Variants in PAK2 observed in about 807,000 individuals in gnomAD.
The protein encoded by PAK2 is p21 (RAC1) activated kinase 2, also known as serine/threonine-protein kinase PAK 2.
Under a neutral mutation model 65.9 loss-of-function variants are expected in PAK2, and 21 were observed. That is an observed-to-expected ratio of 0.32 (90% CI 0.23 to 0.46). The LOEUF is 0.46. Among genes scored for constraint, PAK2 ranks in the 20% least tolerant of loss-of-function variants. PAK2 has a pLI of 1.00. For missense variants in PAK2, 324 were observed against 642.6 expected, an observed-to-expected ratio of 0.50 and a Z score of 5.36; for synonymous variants, 204 against 219.7, an observed-to-expected ratio of 0.93 and a Z score of 0.63.
intron 2 of PAK2, among the ~76,000 whole-genome samples, chr3:196,788,031 T>C (rs181641589): frequency 6.6e-6 from 1 of 152,376 alleles, no homozygotes; most frequent in East Asian, 1.9e-4. Flanking sequence ...GCTTCTAGTT[T>C]CAGCCACCTG....
rs1712098542 is a variant in PAK2 at position 196,831,803 on chromosome 3, A to G, written c.*3398A>G. On this transcript the variant is annotated 3_prime_UTR_variant, in exon 15 of 15. Transcript: ENST00000327134. ...TATACTGAGATCCACATCTAGTGAA[A>G]TGTCAGTGTCAAAATATTATAGATT... 6.6e-6 allele frequency: 1 copy of G among 152,182 alleles called. No homozygotes were observed. The highest frequency in any genetic ancestry group is 2.4e-5 in the African/African-American group (1 of 41,456). 9.4% of individuals were successfully genotyped at this position (152,182 alleles called of 1,614,324 possible). A position where few individuals can be genotyped will look rare whatever the true frequency, so the allele number is the denominator to read the frequency against.
intron 4 of PAK2, among the ~76,000 whole-genome samples, chr3:196,805,020 T>C (rs1251979809): frequency 6.6e-6 from 1 of 152,138 alleles, no homozygotes; most frequent in East Asian, 1.9e-4. Flanking sequence ...AAATTTGTTT[T>C]GTTTTAATAA....
intron 1 of PAK2, among the ~76,000 whole-genome samples, chr3:196,751,674 C>CATATATATATATATATACATATATATAT (rs1553799658): frequency 1.4e-5 from 1 of 71,818 alleles, no homozygotes; most frequent in African/African-American, 7.5e-5. Context: ...TATTTATATA[C>CATATATATATATATATACATATATATAT]ATATATATAT....
At position 196,772,506 on chromosome 3, in the gene PAK2, G is replaced by T. The variant is rs182955593; in HGVS notation, c.-21-10120G>T. Among the ~76,000 whole-genome samples, 27 of 152,226 alleles carry T rather than the reference G, an allele frequency of 1.8e-4. No individual in the cohort carries two copies. The East Asian group carries it at 3.5e-3, about 20-fold the overall frequency. ...TCTTAGAGTTTGAAGCGAAGTTTTA[G>T]TTTCCTTCTTTTTTACCAGCCTCCA... is the stretch of plus-strand genomic sequence containing the variant. On this transcript the variant is annotated intron_variant, in intron 1 of 14. Transcript: ENST00000327134.
At chr3:196,768,983 C>T (rs1426767457) in intron 1 of PAK2, among the ~76,000 whole-genome samples, 3 of 151,692 alleles carry the variant, frequency 2.0e-5, no homozygotes. Context: ...TATTTTTTTA[C>T]AGGGTCTTGC....
Position 196,830,250 on chromosome 3 carries a change from CAT to C in PAK2, c.*1848_*1849del, listed in dbSNP as rs1183399471. 2 of 151,784 alleles carry C rather than the reference CAT, an allele frequency of 1.3e-5. No individual in the cohort carries two copies. The highest frequency in any genetic ancestry group is 2.4e-5 in the African/African-American group (1 of 41,310). 9.4% of individuals were successfully genotyped at this position (151,784 alleles called of 1,614,324 possible). ...AAAATGAGTAAAATAATTAATGAAA[CAT>C]ATTTAGAGCACTTAATGGTCTCTGT... On this transcript the variant is annotated 3_prime_UTR_variant, in exon 15 of 15. Coordinates refer to ENST00000327134, the MANE Select transcript of PAK2 (RefSeq NM_002577.4).
At chr3:196,819,507 T>C (rs1273408091) in intron 12 of PAK2, among the ~76,000 whole-genome samples, 2 of 152,166 alleles carry the variant, frequency 1.3e-5, no homozygotes, top group Non-Finnish European at 2.9e-5. Flanking sequence ...TCTCAAGAAA[T>C]GGTTTTACCA....
chr3:196,779,202 T>C (rs1714630604), intron 1 of PAK2, among the ~76,000 whole-genome samples: 2 of 152,240 alleles, frequency 1.3e-5, no homozygotes, highest in African/African-American at 4.8e-5. Context: ...TATTTACTTA[T>C]TCATTTATTT....
At chr3:196,808,135 T>C in intron 7 of PAK2, 1 of 380,242 alleles carries the variant, frequency 2.6e-6, no homozygotes, top group South Asian at 3.6e-5. Context: ...CTGGCCAACA[T>C]GGTGAAACCC....
intron 1 of PAK2, among the ~76,000 whole-genome samples, chr3:196,781,821 A>C (rs1237273111): frequency 1.3e-5 from 2 of 152,114 alleles, no homozygotes; most frequent in Non-Finnish European, 2.9e-5. Context: ...TACAAAGATT[A>C]GGCTGGATGC....
rs185295467 is a variant in PAK2, at chr3:196,825,471, G to A, written c.1351-1725G>A. On this transcript the variant is annotated intron_variant, in intron 13 of 14. Coordinates refer to ENST00000327134, the MANE Select transcript of PAK2 (RefSeq NM_002577.4). ...AGCCTGGCCAACACAGTGAAACCCC[G>A]TCTCTACTGAAAATACAAAAAATTA... 7.4e-4 allele frequency among the ~76,000 whole-genome samples: 112 copies of A among 150,702 alleles called. 2 individuals are homozygous for A. Among genetic ancestry groups the A allele is most frequent in the Admixed American group, 4.1e-3 (63 of 15,182 alleles).
chr3:196,771,764 G>A (rs1326618786), intron 1 of PAK2, among the ~76,000 whole-genome samples: 1 of 151,998 alleles, frequency 6.6e-6, no homozygotes, highest in Non-Finnish European at 1.5e-5. Flanking sequence ...CTCCATGTTG[G>A]TCAGGCTGGT....
intron 6 of PAK2, among the ~76,000 whole-genome samples, chr3:196,807,314 GA>G (rs1309729297): frequency 6.6e-6 from 1 of 152,178 alleles, no homozygotes; most frequent in Non-Finnish European, 1.5e-5. Context: ...GCTGATGGCA[GA>G]GGACTCCGTT....
intron 13 of PAK2, among the ~76,000 whole-genome samples, chr3:196,825,021 C>G (rs1176708415): frequency 6.6e-6 from 1 of 152,076 alleles, no homozygotes; most frequent in South Asian, 2.1e-4. Context: ...TTCTGTAAAC[C>G]TAAAACTTCT....
chr3:196,767,613 C>T lies in PAK2; in HGVS notation c.-21-15013C>T, dbSNP rs576767913. On this transcript the variant is annotated intron_variant, in intron 1 of 14. Coordinates refer to ENST00000327134, the MANE Select transcript of PAK2 (RefSeq NM_002577.4). ...ACGCCATTCTCCTACCTCAGCCTCC[C>T]GAGTAGCTGGGACTACAGGTGACCG... Among the ~76,000 whole-genome samples, 18 of 151,704 alleles carry T rather than the reference C, an allele frequency of 1.2e-4. No individual in the cohort carries two copies. In the South Asian group the frequency reaches 2.1e-3, roughly 17 times the overall value.
In PAK2 at chr3:196,828,611, G is replaced by A. The variant is rs7614370; in HGVS notation, c.*206G>A. ...ATATGAACCCCTTCTTTAGGGTCCA[G>A]AAGGAATTGTGGACTGAATCACTAG... On this transcript the variant is annotated 3_prime_UTR_variant, in exon 15 of 15. Transcript: ENST00000327134. 0.13 allele frequency: 70,036 copies of A among 524,716 alleles called. 5,400 individuals carry two copies. Among genetic ancestry groups the A allele is most frequent in the African/African-American group, 0.24 (12,063 of 50,300 alleles). The allele number at this position is 524,716 out of a possible 1,614,324, so 32.5% of individuals were successfully genotyped here. A position where few individuals can be genotyped will look rare whatever the true frequency, so the allele number is the denominator to read the frequency against.
At chr3:196,762,795 C>CAA (rs63606860) in intron 1 of PAK2, among the ~76,000 whole-genome samples, 1 of 135,116 alleles carries the variant, frequency 7.4e-6, no homozygotes, top group Non-Finnish European at 1.6e-5. Context: ...AACTCCGTCT[C>CAA]AAAAAAAAAA....
At position 196,815,353 on chromosome 3, in the gene PAK2, A is replaced by C. The variant is rs112016363; in HGVS notation, c.1053+785A>C. Among the ~76,000 whole-genome samples, 110 of 150,382 alleles carry C rather than the reference A, an allele frequency of 7.3e-4. 1 individual carries two copies. The highest frequency in any genetic ancestry group is 6.5e-4 in the Non-Finnish European group (44 of 67,484). ...CTAAAAATACAAAAATTAGCCAGGC[A>C]TGGTGGTGCACGCCTGTAATCCCAG... is the stretch of plus-strand genomic sequence containing the variant. On this transcript the variant is annotated intron_variant, in intron 11 of 14. Transcript: ENST00000327134.
chr3:196,812,446 T>C (rs141091838), intron 9 of PAK2, among the ~76,000 whole-genome samples, 179 bp downstream of exon 9: 4 of 152,294 alleles, frequency 2.6e-5, no homozygotes, highest in African/African-American at 9.6e-5. Flanking sequence ...GAGTTCAATG[T>C]CATAAATAAG....
Sources: gnomAD v4.1 joint callset for allele counts (sites outside exome capture counted in the v4.1 genomes callset) on GRCh38, gnomAD v4.1.1 for gene constraint, MANE v1.5 for transcripts, NCBI Gene and HGNC (gene_info 2026-07-23, HGNC 2026-07-21) for gene names.